The following DOCK2 variants were observed in gnomAD, a reference collection of about 807,000 sequenced individuals.
The protein encoded by DOCK2 is dedicator of cytokinesis 2.
A neutral mutation model predicts 248.9 loss-of-function variants in DOCK2; 87 were observed. The ratio of observed to expected loss-of-function variants is 0.35; its 90% CI spans 0.29 to 0.42. DOCK2 has a LOEUF of 0.42. DOCK2 is among the 10% of genes least tolerant of loss of function. The probability of loss-of-function intolerance (pLI) is 1.00; values close to 1 mark genes in which losing one functional copy is unlikely to be tolerated. For missense variants in DOCK2, 1,747 were observed against 2,300.2 expected (o/e 0.76, Z 4.92); for synonymous variants, 805 against 821.6 (o/e 0.98, Z 0.35).
chr5:169,917,054 C>G (rs761830749), intron 27 of DOCK2, among the ~76,000 whole-genome samples: 3 of 152,238 alleles, frequency 2.0e-5, no homozygotes, highest in Non-Finnish European at 4.4e-5. Context: ...CTATATGCCT[C>G]TCTTACTACT....
At chr5:169,778,615 G>C (rs1281219962) in intron 25 of DOCK2, among the ~76,000 whole-genome samples, 2 of 152,264 alleles carry the variant, frequency 1.3e-5, no homozygotes, top group East Asian at 3.9e-4. Flanking sequence ...TGCCCTACTT[G>C]CCTGGTAGAG....
chr5:169,797,752 C>T (rs562065706), intron 25 of DOCK2, among the ~76,000 whole-genome samples: 7 of 152,160 alleles, frequency 4.6e-5, no homozygotes, highest in Admixed American at 3.3e-4. Flanking sequence ...ATTACCTCTG[C>T]CTATGAAGAT....
intron 27 of DOCK2, among the ~76,000 whole-genome samples, chr5:169,881,065 G>A (rs1772614869): frequency 6.6e-6 from 1 of 152,164 alleles, no homozygotes; most frequent in African/African-American, 2.4e-5. Context: ...CTGTGTGAGC[G>A]AGACCGAATG....
chr5:169,841,706 C>T (rs1769984506), intron 27 of DOCK2, among the ~76,000 whole-genome samples: 1 of 152,220 alleles, frequency 6.6e-6, no homozygotes, highest in South Asian at 2.1e-4. Context: ...CTTCTCTGAT[C>T]ACCCTGTCTA....
At chr5:169,875,382 C>A (rs1268413401) in intron 27 of DOCK2, 1 of 447,652 alleles carries the variant, frequency 2.2e-6, no homozygotes, top group Non-Finnish European at 4.5e-6. Context: ...CTAGGGCCTA[C>A]ATCTTCAATG....
At chr5:169,824,749 C>T (rs1768730826) in intron 26 of DOCK2, among the ~76,000 whole-genome samples, 1 of 152,218 alleles carries the variant, frequency 6.6e-6, no homozygotes, top group Non-Finnish European at 1.5e-5. Flanking sequence ...AAAGCAATGG[C>T]AACGAAAGCC....
At chr5:169,656,570 C>T (rs916403999) in intron 2 of DOCK2, among the ~76,000 whole-genome samples, 2 of 152,154 alleles carry the variant, frequency 1.3e-5, no homozygotes, top group Non-Finnish European at 2.9e-5. Flanking sequence ...ACCTCGGCCT[C>T]CCAAAGTGCT....
intron 27 of DOCK2, among the ~76,000 whole-genome samples, chr5:169,980,935 T>A (rs190474593): frequency 6.6e-6 from 1 of 152,196 alleles, no homozygotes; most frequent in Non-Finnish European, 1.5e-5. Flanking sequence ...CTTTGTGATC[T>A]CCGCCGGATT....
At chr5:169,919,274 C>T (rs1049436747) in intron 27 of DOCK2, among the ~76,000 whole-genome samples, 10 of 152,148 alleles carry the variant, frequency 6.6e-5, no homozygotes, top group Non-Finnish European at 1.2e-4. Flanking sequence ...AGGTGGGGCC[C>T]AAATGAGTCT....
chr5:169,792,745 G>C (rs1259824572), intron 25 of DOCK2, among the ~76,000 whole-genome samples: 1 of 152,152 alleles, frequency 6.6e-6, no homozygotes, highest in Non-Finnish European at 1.5e-5. Context: ...AGCCCAAACT[G>C]CATTCATCTG....
intron 27 of DOCK2, among the ~76,000 whole-genome samples, chr5:169,896,480 T>C (rs1057052229): frequency 6.6e-6 from 1 of 152,198 alleles, no homozygotes; most frequent in African/African-American, 2.4e-5. Flanking sequence ...ATCTGTAATA[T>C]GTGGCTAATA....
Position 169,714,128 on chromosome 5 carries a change from G to A in DOCK2, c.1760G>A (p.Ser587Asn), listed in dbSNP as rs201774749. ...NKGATLSRSS[S>N]SVGGLSVSSR... is the part of the protein sequence containing the mutation. ...GGGGCCACGCTGAGCAGGAGCTCCA[G>A]CAGTGTTGGGGGGCTTTCTGTCAGC... The change falls in exon 18 of 52, where the codon AGC becomes AAC. Residue 587 changes from serine (S) to asparagine (N), a missense_variant. Ser to Asn is a conservative substitution (Grantham distance 46). Transcript: ENST00000520908. The A allele has an allele frequency of 1.9e-6, 3 of 1,613,862 alleles. No individual in the cohort carries two copies. The highest frequency in any genetic ancestry group is 1.3e-5 in the African/African-American group (1 of 75,020).
intron 15 of DOCK2, among the ~76,000 whole-genome samples, chr5:169,710,810 G>C (rs1307060100): frequency 6.6e-6 from 1 of 152,212 alleles, no homozygotes; most frequent in Non-Finnish European, 1.5e-5. Flanking sequence ...TCTGTGGTCA[G>C]AAAGTTAATG....
At position 170,040,608 on chromosome 5, in the gene DOCK2, G is replaced by A. The variant is rs140406649; in HGVS notation, c.3666-447G>A. 9.9e-3 allele frequency: 1,809 copies of A among 183,078 alleles called. 29 individuals carry two copies. The highest frequency in any genetic ancestry group is 0.036 in the African/African-American group (1,718 of 47,500). The allele number at this position is 183,078 out of a possible 1,614,324, so 11.3% of individuals were successfully genotyped here. On this transcript the variant is annotated intron_variant, in intron 36 of 51. Transcript: ENST00000520908. The stretch of plus-strand genomic sequence containing the variant: ...TCAATGACACAGTGATTAAGAGCAG[G>A]CATCATGTCCTGACTCTTCTGTTTA...
Position 169,864,237 on chromosome 5 carries a change from G to A in DOCK2, c.2799+23385G>A, listed in dbSNP as rs896211437. 1.4e-5 allele frequency: 21 copies of A among 1,518,096 alleles called. No homozygotes were observed. In the Admixed American group the frequency reaches 2.7e-4, roughly 20 times the overall value. The allele number at this position is 1,518,096 out of a possible 1,614,324, so 94.0% of individuals were successfully genotyped here. A position where few individuals can be genotyped will look rare whatever the true frequency, so the allele number is the denominator to read the frequency against. On this transcript the variant is annotated intron_variant, in intron 27 of 51. Transcript: ENST00000520908. ...TGGATTTCCCATCTCAGGGAAGTGC[G>A]TGGAGTTGGGGGGCTGGGGGATGGT...
intron 26 of DOCK2, among the ~76,000 whole-genome samples, chr5:169,829,524 G>A (rs554248644): frequency 6.6e-6 from 1 of 152,312 alleles, no homozygotes; most frequent in African/African-American, 2.4e-5. Context: ...GATTGCTGCA[G>A]GGCCATTTGT....
At chr5:169,803,314 G>A (rs1022525475) in intron 26 of DOCK2, 108 bp downstream of exon 26, 20 of 1,437,638 alleles carry the variant, frequency 1.4e-5, no homozygotes, top group Admixed American at 2.5e-5. Context: ...AAAGATAAAA[G>A]TCAACGGCTT....
chr5:169,981,476 A>G (rs1777935376), intron 27 of DOCK2, among the ~76,000 whole-genome samples: 1 of 152,230 alleles, frequency 6.6e-6, no homozygotes, highest in Non-Finnish European at 1.5e-5. Context: ...GTATCTCTGC[A>G]TCACAATTCG....
intron 25 of DOCK2, among the ~76,000 whole-genome samples, chr5:169,799,737 C>T (rs1766852803): frequency 6.6e-6 from 1 of 152,080 alleles, no homozygotes; most frequent in Non-Finnish European, 1.5e-5. Context: ...CAACTTTCTT[C>T]CTTATCTTTC....
Sources: gnomAD v4.1 joint callset for allele counts (sites outside exome capture counted in the v4.1 genomes callset) on GRCh38, gnomAD v4.1.1 for gene constraint, MANE v1.5 for transcripts, NCBI Gene and HGNC (gene_info 2026-07-23, HGNC 2026-07-21) for gene names.